The following ZNF599 variants were observed in gnomAD, a reference collection of about 807,000 sequenced individuals.
ZNF599 encodes the protein zinc finger protein 599.
In ZNF599, 10 loss-of-function variants were observed where a neutral mutation model predicts 11.7. The observed-to-expected ratio is 0.86, with a 90% CI of 0.53 to 1.45. The LOEUF (loss-of-function observed/expected upper bound fraction) is 1.45. ZNF599 is among the 40% of genes most tolerant of loss of function. ZNF599 has a pLI of 0.00. For missense variants in ZNF599, 688 were observed against 713.6 expected, an observed-to-expected ratio of 0.96 and a Z score of 0.41; for synonymous variants, 232 against 253.2, an observed-to-expected ratio of 0.92 and a Z score of 0.79.
intron 1 of ZNF599, among the ~76,000 whole-genome samples, chr19:34,771,819 A>G (rs990071608): frequency 1.3e-5 from 2 of 152,162 alleles, no homozygotes; most frequent in Admixed American, 6.5e-5. Context: ...GGGATGAAAA[A>G]CAGAACAGAA....
chr19:34,770,384 C>T (rs900294552), intron 1 of ZNF599, among the ~76,000 whole-genome samples: 5 of 152,190 alleles, frequency 3.3e-5, no homozygotes, highest in Non-Finnish European at 7.4e-5. Flanking sequence ...AAAATACTTC[C>T]TACAATTTTT....
At chr19:34,806,975 G>T in the ZNF599 span, among the ~76,000 whole-genome samples, 1 of 152,128 alleles carries the variant, frequency 6.6e-6, no homozygotes, top group Non-Finnish European at 1.5e-5. Flanking sequence ...CTTTGTATAT[G>T]GGCAAATGGG....
the ZNF599 span, among the ~76,000 whole-genome samples, chr19:34,783,384 C>T: frequency 5.3e-4 from 80 of 152,222 alleles, no homozygotes; most frequent in African/African-American, 1.9e-3. Flanking sequence ...GGCTAAGGAT[C>T]GAGTAATCTG....
chr19:34,767,507 T>A, intron 2 of ZNF599, 96 bp from the exon 3 acceptor site: 2 of 890,410 alleles, frequency 2.2e-6, no homozygotes, highest in Non-Finnish European at 3.4e-6. Context: ...CATACTGCAA[T>A]GAAACCCCAG....
chr19:34,790,931 T>C, the ZNF599 span, among the ~76,000 whole-genome samples: 2 of 152,284 alleles, frequency 1.3e-5, no homozygotes, highest in South Asian at 2.1e-4. Flanking sequence ...AAGAAATGTG[T>C]TATTATTATT....
At chr19:34,773,832 A>G (rs1354167356), upstream of ZNF599, among the ~76,000 whole-genome samples, 1 of 152,196 alleles carries the variant, frequency 6.6e-6, no homozygotes, top group Non-Finnish European at 1.5e-5. Context: ...GAAGTAACTA[A>G]GAATTGCTTA....
chr19:34,772,664 T>G, intron 1 of ZNF599, 160 bp downstream of exon 1: 3 of 1,426,776 alleles, frequency 2.1e-6, no homozygotes, highest in Non-Finnish European at 2.7e-6. Context: ...GGGTAGGAAG[T>G]GATTAGCCCT....
In ZNF599 at chr19:34,767,437, A is replaced by G. The variant is rs542079942; in HGVS notation, c.146-26T>C. On this transcript the variant is annotated intron_variant, in intron 2 of 3. Transcript: ENST00000329285. Reference sequence around the variant, plus strand: ...CTGTGCATGGAGAAACAAATGGAGTATGGTGTACAGGGAAAGACAAAAAGA... The same window carrying G: ...CTGTGCATGGAGAAACAAATGGAGTGTGGTGTACAGGGAAAGACAAAAAGA... 24 of 1,576,168 alleles carry G rather than the reference A, an allele frequency of 1.5e-5. No homozygotes were observed. The South Asian group carries it at 2.3e-4, about 15-fold the overall frequency.
intron 2 of ZNF599, 91 bp downstream of exon 2, chr19:34,769,338 G>C: frequency 6.3e-7 from 1 of 1,576,250 alleles, no homozygotes; most frequent in South Asian, 1.1e-5. Context: ...AGGGAAGGTT[G>C]GGTTCTGAGG....
At chr19:34,798,344 T>C in the ZNF599 span, among the ~76,000 whole-genome samples, 1 of 152,214 alleles carries the variant, frequency 6.6e-6, no homozygotes, top group African/African-American at 2.4e-5. Flanking sequence ...TGTATGTGTA[T>C]ATACTAACCA....
chr19:34,796,699 T>C, the ZNF599 span, among the ~76,000 whole-genome samples: 95 of 152,268 alleles, frequency 6.2e-4, no homozygotes, highest in African/African-American at 2.1e-3. Flanking sequence ...TTTATTTCCA[T>C]ATTCTTGGAG....
the ZNF599 span, among the ~76,000 whole-genome samples, chr19:34,787,654 C>T: frequency 1.3e-5 from 2 of 152,156 alleles, no homozygotes; most frequent in African/African-American, 4.8e-5. Context: ...TCACCTCCCT[C>T]CAGCCTCTAG....
chr19:34,782,670 C>G, the ZNF599 span, among the ~76,000 whole-genome samples: 36,810 of 152,148 alleles, frequency 0.24, 4,770 homozygotes, highest in Middle Eastern at 0.35. Flanking sequence ...GCTGTGAGGA[C>G]AGAGCCGCCT....
chr19:34,773,701 T>TG (rs3217677), upstream of ZNF599, among the ~76,000 whole-genome samples: 43,565 of 152,058 alleles, frequency 0.29, 6,733 homozygotes, highest in Middle Eastern at 0.36. Context: ...TCAGGTACTC[T>TG]GGGGGGTGGG....
At chr19:34,784,082 T>G in the ZNF599 span, among the ~76,000 whole-genome samples, 1 of 152,158 alleles carries the variant, frequency 6.6e-6, no homozygotes, top group Non-Finnish European at 1.5e-5. Context: ...TATCTGACAG[T>G]CTAGAGCTAG....
chr19:34,800,342 T>C, the ZNF599 span, among the ~76,000 whole-genome samples: 1 of 152,230 alleles, frequency 6.6e-6, no homozygotes, highest in Admixed American at 6.5e-5. Context: ...TCACATGGCA[T>C]ATCTTTCTCC....
At chr19:34,806,819 C>T in the ZNF599 span, among the ~76,000 whole-genome samples, 5 of 152,138 alleles carry the variant, frequency 3.3e-5, no homozygotes, top group Admixed American at 3.3e-4. Flanking sequence ...CCCAAAACCC[C>T]ACCCTCAAAA....
At chr19:34,790,093 T>A in the ZNF599 span, among the ~76,000 whole-genome samples, 1 of 152,214 alleles carries the variant, frequency 6.6e-6, no homozygotes, top group Admixed American at 6.5e-5. Context: ...TCCAACACCA[T>A]TTATTGAAGA....
upstream of ZNF599, among the ~76,000 whole-genome samples, chr19:34,777,500 T>TTAATATATTATATATTAATATATTATATA (rs2069226891): frequency 1.8e-5 from 2 of 110,806 alleles, no homozygotes; most frequent in Non-Finnish European, 3.4e-5. Context: ...ATGATATATA[T>TTAATATATTATATATTAATATATTATATA]TAATATATTA....
Sources: allele counts gnomAD v4.1 joint callset (sites outside exome capture counted in the v4.1 genomes callset), GRCh38; gene constraint gnomAD v4.1.1; transcripts MANE v1.5; gene names NCBI Gene and HGNC (gene_info 2026-07-23, HGNC 2026-07-21).